MED12L: variants seen among roughly 807,000 people sequenced by gnomAD.
MED12L encodes the protein mediator complex subunit 12L, also known as mediator of RNA polymerase II transcription subunit 12-like protein.
A neutral mutation model predicts 281.3 loss-of-function variants in MED12L; 60 were observed. The observed-to-expected ratio is 0.21, with a 90% CI of 0.17 to 0.26. The LOEUF is 0.26. Among genes scored for constraint, MED12L ranks in the 10% least tolerant of loss-of-function variants. The pLI is 1.00. For missense variants in MED12L, 2,146 were observed against 2,680.9 expected, an observed-to-expected ratio of 0.80 and a Z score of 4.41; for synonymous variants, 974 against 987.2, an observed-to-expected ratio of 0.99 and a Z score of 0.25.
intron 16 of MED12L, among the ~76,000 whole-genome samples, chr3:151,199,696 A>G (rs1423910181): frequency 6.6e-6 from 1 of 151,996 alleles, no homozygotes; most frequent in East Asian, 1.9e-4. Flanking sequence ...AGGTTTTTCC[A>G]TTCTGGTAGT....
At chr3:151,183,654 C>A (rs1379999799) in intron 11 of MED12L, among the ~76,000 whole-genome samples, 1 of 152,236 alleles carries the variant, frequency 6.6e-6, no homozygotes, top group Non-Finnish European at 1.5e-5. Flanking sequence ...TGTTCTCCCA[C>A]GTAGGTGTTG....
intron 24 of MED12L, 67 bp downstream of exon 24, chr3:151,367,833 T>G: frequency 6.5e-7 from 1 of 1,527,564 alleles, no homozygotes; most frequent in Middle Eastern, 1.7e-4. Flanking sequence ...TTTCTAACAT[T>G]ACAACACAGG....
rs1272598908 is a variant in MED12L at position 151,435,217 on chromosome 3, CAAGACCTTGAAA to C, written c.*2414_*2425del. On this transcript the variant is annotated 3_prime_UTR_variant, in exon 45 of 45. Transcript: ENST00000687756. The stretch of plus-strand genomic sequence containing the variant: ...GCGAGACCCCAGCTCCCCTTAAAGA[CAAGACCTTGAAA>C]TCAAATGGAGTCAGCTATACCTATC... The C allele has an allele frequency of 8.0e-5, 12 of 149,746 alleles. No individual in the cohort carries two copies. Among genetic ancestry groups the C allele is most frequent in the African/African-American group, 3.0e-4 (12 of 40,320 alleles). The allele number at this position is 149,746 out of a possible 1,614,324, so 9.3% of individuals were successfully genotyped here.
intron 16 of MED12L, among the ~76,000 whole-genome samples, chr3:151,301,623 C>G (rs1320673136): frequency 2.0e-5 from 3 of 152,198 alleles, no homozygotes; most frequent in African/African-American, 7.2e-5. Flanking sequence ...TTTGTCTAGA[C>G]ATTTCACCAA....
intron 16 of MED12L, among the ~76,000 whole-genome samples, chr3:151,290,263 A>T (rs75985244): frequency 0.013 from 1,958 of 152,336 alleles, 50 homozygotes; most frequent in African/African-American, 0.045. Flanking sequence ...AATAAAAGGA[A>T]TTTCCAATTT....
At chr3:151,240,485 G>C (rs1413419993) in intron 16 of MED12L, among the ~76,000 whole-genome samples, 2 of 152,178 alleles carry the variant, frequency 1.3e-5, no homozygotes, top group African/African-American at 4.8e-5. Flanking sequence ...CAGCTGTTTG[G>C]CTTTATCTGT....
chr3:151,132,478 A>G lies in MED12L; in HGVS notation c.556+4494A>G, dbSNP rs143527678. Among the ~76,000 whole-genome samples, 1,283 of 152,260 alleles carry G rather than the reference A, an allele frequency of 8.4e-3. 25 individuals carry two copies. The highest frequency in any genetic ancestry group is 0.029 in the African/African-American group (1,225 of 41,530). On this transcript the variant is annotated intron_variant, in intron 5 of 44. Transcript: ENST00000687756. ...TTTTCCTTTCTCCAGTTTCTCATTA[A>G]TAGATTTAAGTTACATACCTTTGCT... is the stretch of plus-strand genomic sequence containing the variant.
intron 5 of MED12L, among the ~76,000 whole-genome samples, chr3:151,140,126 T>C (rs900585514): frequency 2.0e-5 from 3 of 152,240 alleles, no homozygotes; most frequent in Admixed American, 1.3e-4. Context: ...AACTACTTGC[T>C]TTTTGGGACC....
In MED12L at chr3:151,435,062, C is replaced by CTTTTTTTTTTTTT. The variant is rs66791814; in HGVS notation, c.*2266_*2278dup. 8.4e-6 allele frequency: 1 copy of CTTTTTTTTTTTTT among 119,082 alleles called. No homozygotes were observed. The highest frequency in any genetic ancestry group is 1.7e-5 in the Non-Finnish European group (1 of 57,276). The allele number at this position is 119,082 out of a possible 1,614,324, so 7.4% of individuals were successfully genotyped here. On this transcript the variant is annotated 3_prime_UTR_variant, in exon 45 of 45. Coordinates refer to ENST00000687756, the MANE Select transcript of MED12L (RefSeq NM_001393769.1). Reference sequence around the variant, plus strand: ...GTTAATTCTGTATCTTGAGAGGTTTCTTTTTTTTTTTTTTTTTTTTCTTTT... The same window carrying CTTTTTTTTTTTTT: ...GTTAATTCTGTATCTTGAGAGGTTTCTTTTTTTTTTTTTTTTTTTTTTTTTTTTTTTTTCTTTT...
At chr3:151,335,733 G>A (rs996216258) in intron 16 of MED12L, among the ~76,000 whole-genome samples, 8 of 152,130 alleles carry the variant, frequency 5.3e-5, no homozygotes, top group African/African-American at 1.9e-4. Flanking sequence ...ACACTGTTTT[G>A]AATGGGTTTA....
intron 16 of MED12L, among the ~76,000 whole-genome samples, chr3:151,334,698 C>A (rs1240793613): frequency 1.3e-5 from 2 of 152,066 alleles, no homozygotes; most frequent in Non-Finnish European, 2.9e-5. Context: ...CAGGGCTTCA[C>A]CATGTTGGCC....
Position 151,436,444 on chromosome 3 carries a change from TTTA to T in MED12L, c.*3643_*3645del, listed in dbSNP as rs1395651560. The stretch of plus-strand genomic sequence containing the variant: ...TTATAGTGAACCGTTTCAATGTTTG[TTTA>T]TTGTTATTTGTTGGCAAAATAAAAG... On this transcript the variant is annotated 3_prime_UTR_variant, in exon 45 of 45. Transcript: ENST00000687756. 2 of 371,078 alleles carry T rather than the reference TTTA, an allele frequency of 5.4e-6. No homozygotes were observed. The highest frequency in any genetic ancestry group is 2.1e-5 in the African/African-American group (1 of 47,668). 23.0% of individuals were successfully genotyped at this position (371,078 alleles called of 1,614,324 possible).
chr3:151,389,941 T>C (rs758584368), intron 37 of MED12L, 38 bp from the exon 38 acceptor site: 1 of 1,605,708 alleles, frequency 6.2e-7, no homozygotes, highest in Non-Finnish European at 8.5e-7. Flanking sequence ...GTGTGATATG[T>C]GGAGTTACGT....
intron 16 of MED12L, among the ~76,000 whole-genome samples, chr3:151,300,372 G>C (rs528846326): frequency 6.6e-6 from 1 of 152,188 alleles, no homozygotes; most frequent in Non-Finnish European, 1.5e-5. Context: ...CCTGCTGGGA[G>C]TTATGTCTTG....
At chr3:151,275,647 A>C (rs1741727661) in intron 16 of MED12L, among the ~76,000 whole-genome samples, 3 of 152,218 alleles carry the variant, frequency 2.0e-5, no homozygotes, top group Non-Finnish European at 4.4e-5. Context: ...AGCATTCATT[A>C]ATTACTAGAT....
At chr3:151,368,737 T>TTCATTTCATTTCATG (rs1755780661) in intron 25 of MED12L, among the ~76,000 whole-genome samples, 4 of 77,156 alleles carry the variant, frequency 5.2e-5, no homozygotes, top group Non-Finnish European at 1.1e-4. Flanking sequence ...TTCATTTCAT[T>TTCATTTCATTTCATG]TCATTTCATT....
chr3:151,302,633 G>T (rs146413472), intron 16 of MED12L, among the ~76,000 whole-genome samples: 6 of 152,102 alleles, frequency 3.9e-5, no homozygotes, highest in Non-Finnish European at 7.4e-5. Flanking sequence ...TAACCAAACT[G>T]CAGACTGTCA....
intron 2 of MED12L, among the ~76,000 whole-genome samples, chr3:151,100,746 T>A (rs1721288523): frequency 6.6e-6 from 1 of 152,026 alleles, no homozygotes; most frequent in Non-Finnish European, 1.5e-5. Flanking sequence ...TTGGAGACAC[T>A]ATTTACATTT....
intron 27 of MED12L, 124 bp from the exon 28 acceptor site, chr3:151,375,902 A>G: frequency 1.8e-6 from 1 of 548,152 alleles, no homozygotes. Context: ...TTTTAATGTA[A>G]TTTTTTAAAT....
Sources: gnomAD v4.1 joint callset for allele counts (sites outside exome capture counted in the v4.1 genomes callset) on GRCh38, gnomAD v4.1.1 for gene constraint, MANE v1.5 for transcripts, NCBI Gene and HGNC (gene_info 2026-07-23, HGNC 2026-07-21) for gene names.